MRPL45: variants seen among roughly 807,000 people sequenced by gnomAD.
MRPL45 encodes large ribosomal subunit protein mL45.
MRPL45 carries 20 observed loss-of-function variants against 38.1 expected under a neutral mutation model. The ratio of observed to expected loss-of-function variants is 0.53; its 90% CI spans 0.37 to 0.76. MRPL45 has a LOEUF of 0.76. Ranked by LOEUF, MRPL45 falls within the 30% of genes least tolerant of loss-of-function variation. The pLI is 0.00. For missense variants in MRPL45, 337 were observed against 395.6 expected (o/e 0.85, Z 1.26); for synonymous variants, 105 against 128.8 (o/e 0.82, Z 1.25).
Position 38,320,723 on chromosome 17 carries a change from G to GGCAAC in MRPL45, c.618_622dup (p.Val208AlafsTer26). 6.2e-7 allele frequency: 1 copy of GGCAAC among 1,614,114 alleles called. No individual in the cohort carries two copies. The highest frequency in any genetic ancestry group is 8.5e-7 in the Non-Finnish European group (1 of 1,180,016). On this transcript the variant is annotated frameshift_variant, in exon 6 of 8. Coordinates refer to ENST00000613675, the MANE Select transcript of MRPL45 (RefSeq NM_032351.6). LOFTEE classifies it high-confidence loss of function. ...TCGCTGTTCAAGTATGATGAACCAG[G>GGCAAC]GCAACGTGTACGGCCAGATCACCGT...
At chr17:38,315,246 T>G (rs1288994548) in intron 4 of MRPL45, among the ~76,000 whole-genome samples, 2 of 152,178 alleles carry the variant, frequency 1.3e-5, no homozygotes, top group South Asian at 2.1e-4. Flanking sequence ...CCTTTAGCCT[T>G]TGTTTGTTTC....
chr17:38,298,409 A>G, intron 1 of MRPL45, 40 bp from the exon 2 acceptor site: 1 of 1,417,180 alleles, frequency 7.1e-7, no homozygotes, highest in Non-Finnish European at 9.7e-7. Flanking sequence ...AAGATAGTAG[A>G]TCTTTTTTCT....
In MRPL45 at chr17:38,318,754, T is replaced by G. The variant is rs752468058; in HGVS notation, c.510+19T>G. The G allele has an allele frequency of 2.0e-5, 31 of 1,578,328 alleles. No individual in the cohort carries two copies. The highest frequency in any genetic ancestry group is 2.7e-5 in the Non-Finnish European group (31 of 1,148,686). ...TTTTCCAGTAAGTTCTCATCCTCCT[T>G]AGAACTGTGGGGTGACTGAGTGGGC... is the stretch of plus-strand genomic sequence containing the variant. On this transcript the variant is annotated intron_variant, in intron 5 of 7. Coordinates refer to ENST00000613675, the MANE Select transcript of MRPL45 (RefSeq NM_032351.6).
chr17:38,302,505 A>G (rs1386922071), intron 3 of MRPL45, among the ~76,000 whole-genome samples: 3,427 of 50,556 alleles, frequency 0.068, 300 homozygotes, highest in Non-Finnish European at 0.12. Context: ...AAAAAAAAAA[A>G]GTTTGTTTTT....
chr17:38,322,440 A>C (rs1420901979), intron 7 of MRPL45, 69 bp from the exon 8 acceptor site: 30 of 1,283,216 alleles, frequency 2.3e-5, no homozygotes, highest in Non-Finnish European at 3.2e-5. Context: ...GGGTGGGAGC[A>C]AGGGATGAAG....
intron 4 of MRPL45, among the ~76,000 whole-genome samples, chr17:38,310,294 T>C (rs2037098669): frequency 6.6e-6 from 1 of 151,722 alleles, no homozygotes. Flanking sequence ...TTGTTTCTTT[T>C]GGGTTTTGGT....
In MRPL45 at chr17:38,298,504, T is replaced by A; in HGVS notation, c.122T>A (p.Phe41Tyr). ...AIVPVRTKKRFTPPIYQPKFK... is the reference protein window; with the variant it reads ...AIVPVRTKKRYTPPIYQPKFK... ...GTTCCAGTAAGAACTAAAAAACGTTTCACACCTCCTATTTATCAACCTAAA... is the reference window on the plus strand; with the variant it reads ...GTTCCAGTAAGAACTAAAAAACGTTACACACCTCCTATTTATCAACCTAAA... The change falls in exon 2 of 8, where the codon TTC becomes TAC. Residue 41 changes from phenylalanine to tyrosine, a missense_variant. Physicochemically the swap from Phe to Tyr is conservative, Grantham distance 22. Transcript: ENST00000613675. The A allele has an allele frequency of 6.2e-7, 1 of 1,613,998 alleles. No individual in the cohort carries two copies. The highest frequency in any genetic ancestry group is 8.5e-7 in the Non-Finnish European group (1 of 1,179,886).
Position 38,322,505 on chromosome 17 carries a change from T to G in MRPL45, c.835-4T>G, listed in dbSNP as rs73302948. The G allele has an allele frequency of 0.91, 1,464,221 of 1,611,098 alleles. 667,831 individuals carry two copies. Among genetic ancestry groups the G allele is most frequent in the Admixed American group, 0.94 (56,063 of 59,596 alleles). Reference sequence around the variant, plus strand: ...GTGGGTAACCTGGCGTCCTACTCTTTCAGACGGTGATGATCCCTGGCCCTC... The same window carrying G: ...GTGGGTAACCTGGCGTCCTACTCTTGCAGACGGTGATGATCCCTGGCCCTC... On this transcript the variant is annotated splice_region_variant and splice_polypyrimidine_tract_variant and intron_variant, in intron 7 of 7. Coordinates refer to ENST00000613675, the MANE Select transcript of MRPL45 (RefSeq NM_032351.6).
At chr17:38,297,816 G>T (rs1021342887) in intron 1 of MRPL45, among the ~76,000 whole-genome samples, 19 of 152,164 alleles carry the variant, frequency 1.2e-4, no homozygotes, top group Non-Finnish European at 2.2e-4. Flanking sequence ...TAGCATTCAG[G>T]GCCCGGCGCG....
chr17:38,313,388 A>G (rs1298036557), intron 4 of MRPL45, among the ~76,000 whole-genome samples: 1 of 79,892 alleles, frequency 1.3e-5, no homozygotes, highest in African/African-American at 5.4e-5. Context: ...ATATATACAT[A>G]TATATATATA....
chr17:38,322,188 T>TG lies in MRPL45; in HGVS notation c.724dup (p.Val242GlyfsTer32). ...ATGGACAGGAAGATGTACCCAAGGA[T>TG]GTCCTGGAGTATGTTGTATTCGAAA... On this transcript the variant is annotated frameshift_variant, in exon 7 of 8. Transcript: ENST00000613675. LOFTEE classifies it high-confidence loss of function. 6.2e-7 allele frequency: 1 copy of TG among 1,614,134 alleles called. No homozygotes were observed. The highest frequency in any genetic ancestry group is 1.3e-5 in the African/African-American group (1 of 75,026).
intron 4 of MRPL45, among the ~76,000 whole-genome samples, chr17:38,311,322 T>TA: frequency 6.6e-6 from 1 of 152,162 alleles, no homozygotes; most frequent in South Asian, 2.1e-4. Flanking sequence ...GTATAGGCTG[T>TA]GGGGGGCCCT....
chr17:38,322,494 G>T lies in MRPL45; in HGVS notation c.835-15G>T. The T allele has an allele frequency of 6.2e-7, 1 of 1,611,430 alleles. No homozygotes were observed. Among genetic ancestry groups the T allele is most frequent in the Non-Finnish European group, 8.5e-7 (1 of 1,178,780 alleles). ...GGGCTTGGTTGGTGGGTAACCTGGC[G>T]TCCTACTCTTTCAGACGGTGATGAT... is the stretch of plus-strand genomic sequence containing the variant. On this transcript the variant is annotated splice_polypyrimidine_tract_variant and intron_variant, in intron 7 of 7. Transcript: ENST00000613675.
intron 4 of MRPL45, among the ~76,000 whole-genome samples, chr17:38,314,745 C>T (rs1337699637): frequency 4.6e-5 from 7 of 152,046 alleles, no homozygotes; most frequent in East Asian, 1.9e-4. Flanking sequence ...GTGGCCAGGC[C>T]GGTCTCAAAC....
intron 4 of MRPL45, among the ~76,000 whole-genome samples, chr17:38,315,327 T>TGGAGG: frequency 5.3e-5 from 8 of 152,176 alleles, no homozygotes; most frequent in African/African-American, 1.7e-4. Context: ...CAATGATAGC[T>TGGAGG]GCACTGCAGC....
At chr17:38,309,972 C>G (rs2144219561) in intron 4 of MRPL45, among the ~76,000 whole-genome samples, 1 of 152,080 alleles carries the variant, frequency 6.6e-6, no homozygotes, top group East Asian at 1.9e-4. Flanking sequence ...TATATTTTTC[C>G]AACCTTTTTT....
intron 3 of MRPL45, among the ~76,000 whole-genome samples, chr17:38,305,331 G>C (rs1040763030): frequency 2.1e-5 from 3 of 143,046 alleles, no homozygotes; most frequent in Non-Finnish European, 3.1e-5. Flanking sequence ...GGCGGGCGGG[G>C]TGATGTGTGC....
At chr17:38,315,715 G>T (rs573250931) in intron 4 of MRPL45, among the ~76,000 whole-genome samples, 1 of 150,976 alleles carries the variant, frequency 6.6e-6, no homozygotes, top group Non-Finnish European at 1.5e-5. Flanking sequence ...ATCAGATTTG[G>T]GATGTCTGCA....
chr17:38,317,000 G>A (rs908941390), intron 4 of MRPL45, among the ~76,000 whole-genome samples: 9 of 152,068 alleles, frequency 5.9e-5, no homozygotes, highest in East Asian at 1.9e-4. Context: ...GTTTCACCAT[G>A]TTGGCCAGGA....
Sources: allele counts gnomAD v4.1 joint callset (sites outside exome capture counted in the v4.1 genomes callset), GRCh38; gene constraint gnomAD v4.1.1; transcripts MANE v1.5; gene names NCBI Gene and HGNC (gene_info 2026-07-23, HGNC 2026-07-21).